RPS6KC1: variants seen among roughly 807,000 people sequenced by gnomAD.
RPS6KC1 encodes the protein ribosomal protein S6 kinase C1, also known as inactive ribosomal protein S6 kinase delta-1.
RPS6KC1 carries 54 observed loss-of-function variants against 103.8 expected under a neutral mutation model. The ratio of observed to expected loss-of-function variants is 0.52; its 90% CI spans 0.42 to 0.65. The LOEUF is 0.65. Among genes scored for constraint, RPS6KC1 ranks in the 30% least tolerant of loss-of-function variants. RPS6KC1 has a pLI of 0.00. For synonymous variants in RPS6KC1, 439 were observed against 438.7 expected (o/e 1.00, Z -0.01); for missense variants, 1,151 against 1,253.8 (o/e 0.92, Z 1.24).
At chr1:213,403,262 G>C in the RPS6KC1 span, among the ~76,000 whole-genome samples, 1 of 152,072 alleles carries the variant, frequency 6.6e-6, no homozygotes, top group African/African-American at 2.4e-5. Context: ...AGACTTTTTG[G>C]GCCTTCTGGC....
the RPS6KC1 span, among the ~76,000 whole-genome samples, chr1:213,483,101 T>A: frequency 1.2e-3 from 179 of 152,276 alleles, 6 homozygotes; most frequent in South Asian, 0.036. Context: ...ATTGTTAAAG[T>A]TACAATCATG....
At chr1:213,445,886 G>T in the RPS6KC1 span, among the ~76,000 whole-genome samples, 1 of 152,172 alleles carries the variant, frequency 6.6e-6, no homozygotes, top group Admixed American at 6.5e-5. Flanking sequence ...CCTAATGGGA[G>T]GTGTTATCTC....
chr1:213,520,072 A>G, the RPS6KC1 span, among the ~76,000 whole-genome samples: 1 of 152,160 alleles, frequency 6.6e-6, no homozygotes, highest in South Asian at 2.1e-4. Context: ...GGTGGTTCTT[A>G]TTATGTGTCT....
At chr1:213,844,013 G>T in the RPS6KC1 span, among the ~76,000 whole-genome samples, 3 of 150,752 alleles carry the variant, frequency 2.0e-5, no homozygotes, top group African/African-American at 7.3e-5. Context: ...AAAAAAAAAA[G>T]AAGAAGAGAA....
intron 5 of RPS6KC1, among the ~76,000 whole-genome samples, chr1:213,121,835 G>T (rs1231920418): frequency 6.6e-6 from 1 of 152,098 alleles, no homozygotes; most frequent in Non-Finnish European, 1.5e-5. Flanking sequence ...TAACCACAAA[G>T]AAAAATTGAA....
chr1:213,280,177 A>C, the RPS6KC1 span, among the ~76,000 whole-genome samples: 2 of 152,182 alleles, frequency 1.3e-5, no homozygotes, highest in Non-Finnish European at 2.9e-5. Flanking sequence ...GGAAGGGAAA[A>C]GACAAGGGGA....
At chr1:213,355,035 T>C in the RPS6KC1 span, among the ~76,000 whole-genome samples, 8 of 152,138 alleles carry the variant, frequency 5.3e-5, no homozygotes, top group Non-Finnish European at 1.5e-5. Context: ...CTGGCCAACA[T>C]GGTGAAACCC....
At chr1:213,084,152 C>G (rs535658175) in intron 3 of RPS6KC1, among the ~76,000 whole-genome samples, 2 of 152,252 alleles carry the variant, frequency 1.3e-5, no homozygotes, top group South Asian at 4.1e-4. Context: ...CCCTTTCCCT[C>G]TCTTCCTCTG....
chr1:213,745,043 A>G, the RPS6KC1 span, among the ~76,000 whole-genome samples: 8 of 152,168 alleles, frequency 5.3e-5, no homozygotes, highest in Non-Finnish European at 8.8e-5. Flanking sequence ...GTCCCTACCT[A>G]CACAGATGTG....
chr1:213,063,913 T>C (rs2078060887), intron 1 of RPS6KC1, among the ~76,000 whole-genome samples: 1 of 152,192 alleles, frequency 6.6e-6, no homozygotes, highest in Admixed American at 6.5e-5. Context: ...TTTTGTATTT[T>C]TAGTAGAGTG....
chr1:213,150,362 G>A (rs547040742), intron 6 of RPS6KC1, among the ~76,000 whole-genome samples: 1,707 of 149,248 alleles, frequency 0.011, 18 homozygotes, highest in Middle Eastern at 0.031. Context: ...TTCTCACAGA[G>A]GGGGATTTGG....
the RPS6KC1 span, among the ~76,000 whole-genome samples, chr1:213,330,277 A>G: frequency 3.3e-5 from 5 of 152,218 alleles, no homozygotes; most frequent in Non-Finnish European, 5.9e-5. Context: ...TGTAAATGCC[A>G]CCAACTGGCT....
the RPS6KC1 span, among the ~76,000 whole-genome samples, chr1:213,554,754 T>C: frequency 6.6e-6 from 1 of 152,186 alleles, no homozygotes; most frequent in Admixed American, 6.5e-5. Flanking sequence ...AAATTTCTCT[T>C]ATATCCTGAT....
At chr1:213,592,350 A>G in the RPS6KC1 span, among the ~76,000 whole-genome samples, 4 of 152,240 alleles carry the variant, frequency 2.6e-5, no homozygotes, top group African/African-American at 9.6e-5. Flanking sequence ...TAGGATAAAT[A>G]TATCCAGCAG....
the RPS6KC1 span, among the ~76,000 whole-genome samples, chr1:213,531,601 T>G: frequency 6.6e-6 from 1 of 152,316 alleles, no homozygotes; most frequent in Non-Finnish European, 1.5e-5. Flanking sequence ...TTGTCCTTGC[T>G]AGAAAACAGC....
the RPS6KC1 span, among the ~76,000 whole-genome samples, chr1:213,842,557 C>A: frequency 6.6e-6 from 1 of 152,154 alleles, no homozygotes; most frequent in African/African-American, 2.4e-5. Context: ...AGAACTTTTG[C>A]CTGACATCCC....
the RPS6KC1 span, among the ~76,000 whole-genome samples, chr1:213,407,437 C>T: frequency 3.3e-5 from 5 of 152,194 alleles, 1 homozygote; most frequent in Middle Eastern, 0.014. Flanking sequence ...TGAGAGTGAG[C>T]GGAAATCATC....
Position 213,230,516 on chromosome 1 carries a change from C to T in RPS6KC1, c.1064C>T (p.Thr355Ile), listed in dbSNP as rs534298090. ...ATGTAGGTTTTACTTGTAATGGACA[C>T]AAGGACAGAACAGACTTTCATTTTA... ...VIDKVLLVMD[T>I]RTEQTFILKG... Residue 355 changes from threonine to isoleucine, a missense_variant, in exon 9 of 15, where the codon ACA becomes ATA. Around this residue, in one of 3 missense-constraint regions of RPS6KC1, gnomAD observed 959 missense variants for 1,006.3 expected, o/e 0.95. Transcript: ENST00000366960. 7.5e-6 allele frequency: 12 copies of T among 1,605,752 alleles called. 1 individual carries two copies. In the South Asian group the frequency reaches 1.3e-4, roughly 18 times the overall value.
the RPS6KC1 span, among the ~76,000 whole-genome samples, chr1:213,369,409 C>G: frequency 6.6e-6 from 1 of 152,166 alleles, no homozygotes; most frequent in African/African-American, 2.4e-5. Context: ...TGACAGCTAC[C>G]AAAGACCCCT....
Sources: gnomAD v4.1 joint callset for allele counts (sites outside exome capture counted in the v4.1 genomes callset) on GRCh38, gnomAD v4.1.1 for gene constraint, gnomAD v4.1.1 regional missense constraint, MANE v1.5 for transcripts, NCBI Gene and HGNC (gene_info 2026-07-23, HGNC 2026-07-21) for gene names.